Variants in LNPEP observed in about 807,000 individuals in gnomAD.
The protein encoded by LNPEP is leucyl-cystinyl aminopeptidase.
Under a neutral mutation model 120.6 loss-of-function variants are expected in LNPEP, and 64 were observed. The ratio of observed to expected loss-of-function variants is 0.53; its 90% CI spans 0.43 to 0.65. LNPEP has a LOEUF of 0.65. Ranked by LOEUF, LNPEP falls within the 30% of genes least tolerant of loss-of-function variation. The pLI is 0.00. For synonymous variants in LNPEP, 435 were observed against 425.4 expected (o/e 1.02, Z -0.28); for missense variants, 1,057 against 1,200.0 (o/e 0.88, Z 1.76).
At chr5:97,028,314 C>T in intron 17 of LNPEP, 88 bp from the exon 18 acceptor site, 2 of 1,229,358 alleles carry the variant, frequency 1.6e-6, no homozygotes, top group Non-Finnish European at 2.4e-6. Context: ...ACAGCCATCA[C>T]TAAGTTAAAG....
chr5:96,996,490 A>G lies in LNPEP; in HGVS notation c.1508A>G (p.Lys503Arg). Residue 503 changes from lysine to arginine, a missense_variant, in exon 7 of 18, where the codon AAA (lysine) becomes AGA (arginine). By Grantham distance (26) the Lys-to-Arg change is conservative (BLOSUM62 2). Transcript: ENST00000231368. ...TATTTCTCTTTGGAAAAAATATTCA[A>G]AGAGCTTTCTAGTGTAAGTACAGGG... ...MEYFSLEKIF[K>R]ELSSYEDFLD... The G allele has an allele frequency of 1.3e-6, 2 of 1,574,418 alleles. No individual in the cohort carries two copies. The highest frequency in any genetic ancestry group is 1.7e-6 in the Non-Finnish European group (2 of 1,144,776).
chr5:96,966,280 T>C (rs1789720786), intron 1 of LNPEP, among the ~76,000 whole-genome samples: 1 of 152,072 alleles, frequency 6.6e-6, no homozygotes, highest in Non-Finnish European at 1.5e-5. Flanking sequence ...GAGGATTGCA[T>C]GAGACGAGGA....
At chr5:96,940,258 G>A (rs573029538) in intron 1 of LNPEP, among the ~76,000 whole-genome samples, 38 of 152,148 alleles carry the variant, frequency 2.5e-4, no homozygotes, top group South Asian at 2.3e-3. Flanking sequence ...TCTTATAACC[G>A]GTGATTATCA....
At chr5:96,959,722 C>T (rs769566114) in intron 1 of LNPEP, among the ~76,000 whole-genome samples, 1 of 151,896 alleles carries the variant, frequency 6.6e-6, no homozygotes, top group South Asian at 2.1e-4. Context: ...TAAATCCATC[C>T]TCTATAGCTA....
chr5:96,963,698 C>T (rs1429775942), intron 1 of LNPEP, among the ~76,000 whole-genome samples: 4 of 152,142 alleles, frequency 2.6e-5, no homozygotes, highest in African/African-American at 9.7e-5. Context: ...ATAGAAACTT[C>T]ACCTAATAAT....
chr5:96,951,261 T>TG (rs1339268274), intron 1 of LNPEP, among the ~76,000 whole-genome samples: 33 of 121,870 alleles, frequency 2.7e-4, no homozygotes, highest in African/African-American at 6.3e-4. Context: ...TTTTCTTTTT[T>TG]TGGCGGGGGG....
rs368036839 is a variant in LNPEP, at chr5:96,979,571, T to G, written c.453T>G (p.Ile151Met). 2 of 1,613,962 alleles carry G rather than the reference T, an allele frequency of 1.2e-6. No homozygotes were observed. The highest frequency in any genetic ancestry group is 2.7e-5 in the African/African-American group (2 of 74,908). The change falls in exon 2 of 18, where the codon ATT (isoleucine) becomes ATG (methionine). Residue 151 changes from isoleucine (I) to methionine (M), a missense_variant. By Grantham distance (10) the Ile-to-Met change is conservative. Transcript: ENST00000231368. ...CHKKNQSIGLIQPFATNGKLF... is the reference protein window; with the variant it reads ...CHKKNQSIGLMQPFATNGKLF... ...AAAAAAACCAGTCAATTGGACTAATTCAGCCATTTGCAACAAATGGGAAAT... is the reference window on the plus strand; with the variant it reads ...AAAAAAACCAGTCAATTGGACTAATGCAGCCATTTGCAACAAATGGGAAAT...
intron 1 of LNPEP, among the ~76,000 whole-genome samples, chr5:96,947,668 TGC>T (rs1789219641): frequency 6.6e-6 from 1 of 152,232 alleles, no homozygotes; most frequent in Non-Finnish European, 1.5e-5. Flanking sequence ...TGTTTTTGAA[TGC>T]CTAATTGTTC....
chr5:97,023,374 A>G (rs1427659944), intron 14 of LNPEP, among the ~76,000 whole-genome samples: 3 of 151,870 alleles, frequency 2.0e-5, no homozygotes, highest in East Asian at 1.9e-4. Context: ...CTGCCCCAGT[A>G]TCCGGAGTAG....
intron 14 of LNPEP, 126 bp downstream of exon 14, chr5:97,022,610 C>G (rs1743402605): frequency 2.8e-6 from 2 of 726,916 alleles, no homozygotes; most frequent in Admixed American, 2.9e-5. Flanking sequence ...TAGGTGAACT[C>G]TATGTATCTG....
At chr5:96,976,928 T>TC (rs1278543894) in intron 1 of LNPEP, among the ~76,000 whole-genome samples, 3 of 150,424 alleles carry the variant, frequency 2.0e-5, no homozygotes, top group Admixed American at 2.0e-4. Flanking sequence ...AGAACATACT[T>TC]TTTTTTTTTA....
chr5:96,938,698 T>G (rs1788980514), intron 1 of LNPEP, among the ~76,000 whole-genome samples: 2 of 152,232 alleles, frequency 1.3e-5, no homozygotes, highest in Non-Finnish European at 2.9e-5. Context: ...TCAGGTAACA[T>G]ACTTCTGCAA....
chr5:96,938,029 C>T (rs1207087920), intron 1 of LNPEP, among the ~76,000 whole-genome samples: 3 of 152,106 alleles, frequency 2.0e-5, no homozygotes, highest in African/African-American at 7.2e-5. Context: ...CATCCTTTTA[C>T]AAGGAAAACA....
intron 4 of LNPEP, among the ~76,000 whole-genome samples, chr5:96,989,288 T>C (rs1790316566): frequency 8.2e-6 from 1 of 121,330 alleles, no homozygotes; most frequent in Admixed American, 1.1e-4. Context: ...ATATAATATA[T>C]AATTTATATA....
At chr5:96,939,145 G>T (rs1788991874) in intron 1 of LNPEP, among the ~76,000 whole-genome samples, 1 of 151,570 alleles carries the variant, frequency 6.6e-6, no homozygotes, top group Admixed American at 6.6e-5. Context: ...AAATGCTAAG[G>T]TTCACCCTCA....
At chr5:96,938,318 T>C (rs1011015105) in intron 1 of LNPEP, among the ~76,000 whole-genome samples, 5 of 152,226 alleles carry the variant, frequency 3.3e-5, no homozygotes, top group Admixed American at 1.3e-4. Flanking sequence ...TCAAGCCTGG[T>C]ATTGGATTTT....
intron 1 of LNPEP, 116 bp downstream of exon 1, chr5:96,936,290 A>C (rs976617525): frequency 2.4e-4 from 155 of 655,416 alleles, no homozygotes; most frequent in Non-Finnish European, 3.1e-4. Context: ...CGGGCTTCCC[A>C]CGAGGGCTGA....
In LNPEP at chr5:96,979,672, T is replaced by C; in HGVS notation, c.554T>C (p.Leu185Pro). The C allele has an allele frequency of 6.2e-7, 1 of 1,614,100 alleles. No individual in the cohort carries two copies. Residue 185 changes from leucine to proline, a missense_variant, in exon 2 of 18, where the codon CTA (leucine) becomes CCA (proline). Physicochemically the swap from Leu to Pro is moderately conservative, Grantham distance 98 (BLOSUM62 -3). Coordinates refer to ENST00000231368, the MANE Select transcript of LNPEP (RefSeq NM_005575.3). Reference protein sequence around the residue: ...LRYELSLHPNLTSMTFRGSVT... With the variant: ...LRYELSLHPNPTSMTFRGSVT... ...TATGAACTCAGCCTACACCCGAACC[T>C]AACCTCGATGACATTCAGGGGTTCT...
chr5:97,023,339 C>G (rs1791259916), intron 14 of LNPEP, among the ~76,000 whole-genome samples: 1 of 152,058 alleles, frequency 6.6e-6, no homozygotes, highest in South Asian at 2.1e-4. Context: ...TTGCAACCTC[C>G]ACTTCTCGGG....
Sources: allele counts gnomAD v4.1 joint callset (sites outside exome capture counted in the v4.1 genomes callset), GRCh38; gene constraint gnomAD v4.1.1; transcripts MANE v1.5; gene names NCBI Gene and HGNC (gene_info 2026-07-23, HGNC 2026-07-21).